Variants in NCAPG2 observed in about 807,000 individuals in gnomAD.
The protein encoded by NCAPG2 is condensin-2 complex subunit G2.
In NCAPG2, 53 loss-of-function variants were observed where a neutral mutation model predicts 141.1. That is an observed-to-expected ratio of 0.38 (90% CI 0.30 to 0.47). The LOEUF is 0.47. NCAPG2 is among the 20% of genes least tolerant of loss of function. NCAPG2 has a pLI of 0.99. For missense variants in NCAPG2, 1,087 were observed against 1,389.0 expected (o/e 0.78, Z 3.46); for synonymous variants, 499 against 490.7 (o/e 1.02, Z -0.22).
At chr7:158,666,305 C>T (rs1832929194) in intron 13 of NCAPG2, among the ~76,000 whole-genome samples, 1 of 152,166 alleles carries the variant, frequency 6.6e-6, no homozygotes, top group Non-Finnish European at 1.5e-5. Context: ...GCTCCAGCCC[C>T]AACGGGTGGT....
At chr7:158,668,386 C>T (rs1833432150) in intron 13 of NCAPG2, 2 of 984,968 alleles carry the variant, frequency 2.0e-6, no homozygotes, top group Non-Finnish European at 2.4e-6. Flanking sequence ...GGTCCCTCCG[C>T]CCTCCTTACC....
Position 158,664,268 on chromosome 7 carries a change from G to A in NCAPG2, c.1731C>T (p.Cys577=), listed in dbSNP as rs370678323. ...CTGCCCTCTGGATACAGGCATTTAA[G>A]CAATGACGAATAACGTGAATCAGCT... ...IAKLIHVIRH[C]LNACIQRAVR... is the part of the protein sequence containing the mutation. The change falls in exon 15 of 28, where the codon TGC becomes TGT. Residue 577 remains cysteine, a synonymous_variant. Transcript: ENST00000356309. The A allele has an allele frequency of 1.9e-6, 3 of 1,613,610 alleles. No individual in the cohort carries two copies. The highest frequency in any genetic ancestry group is 2.5e-6 in the Non-Finnish European group (3 of 1,179,636).
intron 1 of NCAPG2, among the ~76,000 whole-genome samples, chr7:158,702,576 G>C (rs1435183296): frequency 6.6e-6 from 1 of 152,076 alleles, no homozygotes; most frequent in Non-Finnish European, 1.5e-5. Context: ...ACAATACCTG[G>C]TGCTACTGGT....
At chr7:158,691,115 T>C (rs1225004610) in intron 4 of NCAPG2, among the ~76,000 whole-genome samples, 1 of 152,102 alleles carries the variant, frequency 6.6e-6, no homozygotes, top group African/African-American at 2.4e-5. Context: ...TCCACTACTA[T>C]CCCTCAATGT....
At chr7:158,667,466 C>T (rs1456148868) in intron 13 of NCAPG2, among the ~76,000 whole-genome samples, 1 of 144,056 alleles carries the variant, frequency 6.9e-6, no homozygotes. Context: ...CTCCGCCCGC[C>T]TTACCCACTA....
At chr7:158,634,442 AG>A (rs1830061885) in intron 27 of NCAPG2, among the ~76,000 whole-genome samples, 1 of 152,220 alleles carries the variant, frequency 6.6e-6, no homozygotes, top group South Asian at 2.1e-4. Flanking sequence ...GACAAGGAAA[AG>A]TCTGTTCATA....
chr7:158,683,470 AAG>A (rs1470541278), intron 8 of NCAPG2, 84 bp from the exon 9 acceptor site: 2 of 890,566 alleles, frequency 2.2e-6, no homozygotes, highest in Non-Finnish European at 3.3e-6. Context: ...TTTGAGTACA[AAG>A]AGTCTGACCT....
chr7:158,648,225 AC>A (rs1456775380), intron 24 of NCAPG2, among the ~76,000 whole-genome samples: 1 of 152,198 alleles, frequency 6.6e-6, no homozygotes, highest in African/African-American at 2.4e-5. Flanking sequence ...GGAGATTCCT[AC>A]CATGCAATGG....
Position 158,645,522 on chromosome 7 carries a change from C to T in NCAPG2, c.3277G>A (p.Ala1093Thr). ...AAVHIILVINAGKHKSSKVRE... is the reference protein window; with the variant it reads ...AAVHIILVINTGKHKSSKVRE... ...GACAGAGGGGAATGTAACCAACCTG[C>T]ATTAATAACCAGGATAATATGCACA... The change falls in exon 26 of 28, where the codon GCA becomes ACA. Residue 1093 changes from alanine (A) to threonine (T), a missense_variant. Physicochemically the swap from Ala to Thr is moderately conservative, Grantham distance 58. Transcript: ENST00000356309. 6.2e-7 allele frequency: 1 copy of T among 1,613,932 alleles called. No individual in the cohort carries two copies.
chr7:158,693,995 CGGCCCTCATCAAAAG>C (rs2129469243), intron 2 of NCAPG2, among the ~76,000 whole-genome samples: 1 of 152,198 alleles, frequency 6.6e-6, no homozygotes, highest in East Asian at 1.9e-4. Context: ...AAGCAAATAG[CGGCCCTCATCAAAAG>C]GGCATAGAAT....
chr7:158,693,573 A>G (rs1835262639), intron 2 of NCAPG2, 76 bp from the exon 3 acceptor site: 1 of 1,304,478 alleles, frequency 7.7e-7, no homozygotes, highest in Non-Finnish European at 1.1e-6. Context: ...TCATCAAAAG[A>G]AAAGTTAAGT....
chr7:158,658,413 A>C lies in NCAPG2; in HGVS notation c.1990-5T>G. On this transcript the variant is annotated splice_region_variant and splice_polypyrimidine_tract_variant and intron_variant, in intron 16 of 27. Coordinates refer to ENST00000356309, the MANE Select transcript of NCAPG2 (RefSeq NM_017760.7). ...AGGGATCTTGCAGCGATCATCCTAAAAGCGAAAAAAGAAAAACAAAACAAA... is the reference window on the plus strand; with the variant it reads ...AGGGATCTTGCAGCGATCATCCTAACAGCGAAAAAAGAAAAACAAAACAAA... 1 of 1,603,828 alleles carries C rather than the reference A, an allele frequency of 6.2e-7. No homozygotes were observed. The highest frequency in any genetic ancestry group is 8.5e-7 in the Non-Finnish European group (1 of 1,174,636).
chr7:158,633,995 C>T lies in NCAPG2; in HGVS notation c.3381-2278G>A, dbSNP rs1233873805. 2.0e-5 allele frequency among the ~76,000 whole-genome samples: 3 copies of T among 152,028 alleles called. No homozygotes were observed. Among genetic ancestry groups the T allele is most frequent in the Non-Finnish European group, 4.4e-5 (3 of 68,000 alleles). On this transcript the variant is annotated intron_variant, in intron 27 of 27. Coordinates refer to ENST00000356309, the MANE Select transcript of NCAPG2 (RefSeq NM_017760.7). The surrounding 1 kb of genome is among the most constrained non-coding windows in gnomAD (Gnocchi z 4.1). The stretch of plus-strand genomic sequence containing the variant: ...GTGAACTCAGCTTAAGCAATCTGCC[C>T]GCCTCAGCCTCCCAAAGTGATGGAA...
chr7:158,668,463 T>C, intron 13 of NCAPG2: 1 of 956,416 alleles, frequency 1.0e-6, no homozygotes, highest in Middle Eastern at 5.4e-4. Flanking sequence ...GGTAGAGTGG[T>C]TTTAAGTGCT....
rs774410750 is a variant in NCAPG2, at chr7:158,645,555, T to C, written c.3244A>G (p.Thr1082Ala). 7.4e-6 allele frequency: 12 copies of C among 1,614,096 alleles called. No homozygotes were observed. The highest frequency in any genetic ancestry group is 2.7e-5 in the African/African-American group (2 of 74,938). The change falls in exon 26 of 28, where the codon ACG (threonine) becomes GCG (alanine). Residue 1082 changes from threonine (T) to alanine (A), a missense_variant. Transcript: ENST00000356309. Reference protein sequence around the residue: ...SNDIEGIVCLTAAVHIILVIN... With the variant: ...SNDIEGIVCLAAAVHIILVIN... ...ACCAGGATAATATGCACAGCAGCCG[T>C]GAGGCACACAATGCCTTCAATATCA...
At chr7:158,657,529 G>T (rs1020291024) in intron 17 of NCAPG2, among the ~76,000 whole-genome samples, 4 of 148,666 alleles carry the variant, frequency 2.7e-5, no homozygotes, top group African/African-American at 7.9e-5. Flanking sequence ...TGAGGGAGGT[G>T]GGGGGGTCAG....
intron 2 of NCAPG2, among the ~76,000 whole-genome samples, chr7:158,694,341 A>G (rs911988046): frequency 2.0e-5 from 3 of 152,266 alleles, no homozygotes; most frequent in Non-Finnish European, 4.4e-5. Flanking sequence ...TCACTGTTTT[A>G]TAGCCATCAC....
In NCAPG2 at chr7:158,701,889, C is replaced by A. The variant is rs905679565; in HGVS notation, c.11G>T (p.Arg4Leu). 3 of 1,613,120 alleles carry A rather than the reference C, an allele frequency of 1.9e-6. No homozygotes were observed. The African/African-American group carries it at 4.0e-5, about 22-fold the overall frequency. Residue 4 changes from arginine (R) to leucine (L), a missense_variant, in exon 2 of 28, where the codon CGT (arginine) becomes CTT (leucine). Transcript: ENST00000356309. Reference sequence around the variant, plus strand: ...AGACACGGCTTGTACAAACGTCTCACGTTTTTCCATGACAGATGGCACTGT... The same window carrying A: ...AGACACGGCTTGTACAAACGTCTCAAGTTTTTCCATGACAGATGGCACTGT... MEK[R>L]ETFVQAVSKE...
intron 8 of NCAPG2, among the ~76,000 whole-genome samples, chr7:158,684,334 T>C (rs4909260): frequency 7.2e-5 from 11 of 152,078 alleles, no homozygotes; most frequent in African/African-American, 2.7e-4. Flanking sequence ...GCCAATGGCA[T>C]AGATTTTAAG....
Sources: allele counts gnomAD v4.1 joint callset (sites outside exome capture counted in the v4.1 genomes callset), GRCh38; gene constraint gnomAD v4.1.1; non-coding constraint Gnocchi (gnomAD v3.1); transcripts MANE v1.5; gene names NCBI Gene and HGNC (gene_info 2026-07-23, HGNC 2026-07-21).